The following S100A8 variants were observed in gnomAD, a reference collection of about 807,000 sequenced individuals.
The protein encoded by S100A8 is protein S100-A8.
A neutral mutation model predicts 4.2 loss-of-function variants in S100A8; 1 was observed. The observed-to-expected ratio is 0.24, with a 90% CI of 0.08 to 1.12. The LOEUF (loss-of-function observed/expected upper bound fraction) is 1.12, where lower values mean the gene tolerates loss of function less well. S100A8 is among the 50% of genes most tolerant of loss of function. The pLI is 0.53. For missense variants in S100A8, 96 were observed against 111.8 expected (o/e 0.86, Z 0.64); for synonymous variants, 41 against 44.7 (o/e 0.92, Z 0.33).
upstream of S100A8, among the ~76,000 whole-genome samples, chr1:153,392,144 A>G (rs1339921794): frequency 3.3e-5 from 5 of 152,244 alleles, no homozygotes; most frequent in Non-Finnish European, 7.3e-5. Flanking sequence ...CTACAACTCA[A>G]CAACAAAAAA....
upstream of S100A8, among the ~76,000 whole-genome samples, chr1:153,392,064 T>C (rs1472207944): frequency 6.6e-6 from 1 of 152,136 alleles, no homozygotes; most frequent in Admixed American, 6.5e-5. Context: ...TGTGTTTCTG[T>C]TGTTACAAAG....
chr1:153,405,894 T>C, the S100A8 span, among the ~76,000 whole-genome samples: 1 of 152,132 alleles, frequency 6.6e-6, no homozygotes, highest in East Asian at 1.9e-4. Context: ...AACTGAGTCC[T>C]AATAACCTCT....
At chr1:153,418,786 G>A in the S100A8 span, among the ~76,000 whole-genome samples, 9 of 152,272 alleles carry the variant, frequency 5.9e-5, no homozygotes, top group African/African-American at 2.2e-4. Flanking sequence ...CAAAGCATGA[G>A]GGCCAATTTT....
intron 1 of S100A8, 70 bp downstream of exon 1, chr1:153,390,971 C>G: frequency 1.0e-6 from 1 of 971,446 alleles, no homozygotes; most frequent in Non-Finnish European, 1.2e-6. Context: ...CTCAGGAAGG[C>G]TGCTCCACTT....
the S100A8 span, among the ~76,000 whole-genome samples, chr1:153,404,932 G>C: frequency 6.6e-6 from 1 of 151,792 alleles, no homozygotes; most frequent in Non-Finnish European, 1.5e-5. Flanking sequence ...GCGCCACCGT[G>C]TGGAAGCTTG....
chr1:153,410,694 G>C, the S100A8 span, among the ~76,000 whole-genome samples: 11 of 152,154 alleles, frequency 7.2e-5, no homozygotes, highest in African/African-American at 2.7e-4. Flanking sequence ...GAGAATATTA[G>C]ACCAATATCC....
At chr1:153,401,632 G>A in the S100A8 span, among the ~76,000 whole-genome samples, 1 of 152,136 alleles carries the variant, frequency 6.6e-6, no homozygotes, top group Non-Finnish European at 1.5e-5. Context: ...GCTTTCTGGT[G>A]AAATTGAGAA....
chr1:153,416,779 G>A, the S100A8 span, among the ~76,000 whole-genome samples: 1 of 152,220 alleles, frequency 6.6e-6, no homozygotes, highest in Non-Finnish European at 1.5e-5. Context: ...GCTCCTTTGG[G>A]ATCTCCTGAG....
upstream of S100A8, among the ~76,000 whole-genome samples, chr1:153,394,647 C>T (rs1453631820): frequency 6.6e-6 from 1 of 152,132 alleles, no homozygotes; most frequent in Non-Finnish European, 1.5e-5. Context: ...ATGGAGGGCC[C>T]AGCTAGGTCC....
chr1:153,395,854 G>A (rs1183737419), upstream of S100A8, among the ~76,000 whole-genome samples: 1 of 152,194 alleles, frequency 6.6e-6, no homozygotes, highest in Non-Finnish European at 1.5e-5. Context: ...TGTTCCCTCT[G>A]CTAGAAATGC....
the S100A8 span, chr1:153,417,899 A>G: frequency 2.0e-5 from 17 of 836,016 alleles, no homozygotes; most frequent in Non-Finnish European, 3.0e-5. Flanking sequence ...ACTTGGTCCT[A>G]CCCTCTCATT....
chr1:153,392,249 T>A (rs1005126294), upstream of S100A8, among the ~76,000 whole-genome samples: 2 of 152,122 alleles, frequency 1.3e-5, no homozygotes, highest in African/African-American at 4.8e-5. Flanking sequence ...AAATTACTAA[T>A]CTTTAGGAAA....
chr1:153,412,762 A>G, the S100A8 span, among the ~76,000 whole-genome samples: 1 of 152,206 alleles, frequency 6.6e-6, no homozygotes, highest in South Asian at 2.1e-4. Flanking sequence ...AGACTGGATT[A>G]AGAAAATGTG....
the S100A8 span, chr1:153,421,184 A>C: frequency 1.3e-5 from 2 of 152,178 alleles, no homozygotes; most frequent in South Asian, 4.1e-4. Context: ...AATGTCTTTT[A>C]ATACTTCTTC....
chr1:153,390,958 T>C (rs968891044), intron 1 of S100A8, 83 bp downstream of exon 1: 147 of 941,748 alleles, frequency 1.6e-4, no homozygotes, highest in Admixed American at 4.1e-4. Context: ...TTCTCTCTCC[T>C]CTCTCAGGAA....
the S100A8 span, among the ~76,000 whole-genome samples, chr1:153,414,836 G>A: frequency 6.6e-6 from 1 of 152,196 alleles, no homozygotes; most frequent in Admixed American, 6.5e-5. Context: ...ACATTGCACA[G>A]TGGTGAAGTC....
chr1:153,394,933 G>A (rs529954514), upstream of S100A8, among the ~76,000 whole-genome samples: 4 of 152,122 alleles, frequency 2.6e-5, no homozygotes, highest in Non-Finnish European at 4.4e-5. Context: ...TCAGGACACC[G>A]GTTCCCAGAC....
upstream of S100A8, among the ~76,000 whole-genome samples, chr1:153,391,492 G>A (rs373057259): frequency 1.1e-4 from 17 of 152,272 alleles, no homozygotes; most frequent in African/African-American, 3.6e-4. Flanking sequence ...ATTCCTCCAT[G>A]GCTTCTGTCA....
chr1:153,391,532 G>A (rs886928688), upstream of S100A8, among the ~76,000 whole-genome samples: 1 of 152,218 alleles, frequency 6.6e-6, no homozygotes. Flanking sequence ...GACCGCAAAA[G>A]GGTTGAGAAC....
Sources: allele counts gnomAD v4.1 joint callset (sites outside exome capture counted in the v4.1 genomes callset), GRCh38; gene constraint gnomAD v4.1.1; transcripts MANE v1.5; gene names NCBI Gene and HGNC (gene_info 2026-07-23, HGNC 2026-07-21).